ASTL: variants seen among roughly 807,000 people sequenced by gnomAD.
The protein encoded by ASTL is astacin-like metalloendopeptidase.
In ASTL, 27 loss-of-function variants were observed where a neutral mutation model predicts 36.7. That is an observed-to-expected ratio of 0.73 (90% CI 0.54 to 1.01). ASTL has a LOEUF of 1.01. Among genes scored for constraint, ASTL ranks in the 50% least tolerant of loss-of-function variants. The probability of loss-of-function intolerance (pLI) is 0.00; values close to 1 mark genes in which losing one functional copy is unlikely to be tolerated. For synonymous variants in ASTL, 222 were observed against 228.1 expected (o/e 0.97, Z 0.24); for missense variants, 524 against 572.8 (o/e 0.91, Z 0.87).
In ASTL at chr2:96,132,747, G is replaced by A; in HGVS notation, c.456-26C>T. On this transcript the variant is annotated intron_variant, in intron 5 of 8. Coordinates refer to ENST00000342380, the MANE Select transcript of ASTL (RefSeq NM_001002036.4). This position sits in a 1 kb window ranked among gnomAD's most constrained non-coding sequence, Gnocchi z 5.4. Reference sequence around the variant, plus strand: ...CTGCAGGGTGATGAGAGCAAGTGGGGTAAGTGCCAGCCCAGATCCCTCCGG... The same window carrying A: ...CTGCAGGGTGATGAGAGCAAGTGGGATAAGTGCCAGCCCAGATCCCTCCGG... 1.3e-6 allele frequency: 2 copies of A among 1,591,766 alleles called. No homozygotes were observed. Among genetic ancestry groups the A allele is most frequent in the Non-Finnish European group, 1.7e-6 (2 of 1,163,464 alleles).
At chr2:96,130,572 G>T (rs942044041) in intron 6 of ASTL, among the ~76,000 whole-genome samples, 1 of 152,182 alleles carries the variant, frequency 6.6e-6, no homozygotes, top group Non-Finnish European at 1.5e-5. Flanking sequence ...CAGTGGTGAT[G>T]CCCTAGTCCC....
At chr2:96,134,661 C>G (rs1206676270) in intron 3 of ASTL, among the ~76,000 whole-genome samples, 1 of 152,202 alleles carries the variant, frequency 6.6e-6, no homozygotes, top group Non-Finnish European at 1.5e-5. Flanking sequence ...GAGGGTCTGC[C>G]CTGCCCCCGG....
At position 96,123,036 on chromosome 2, in the gene ASTL, A is replaced by G. The variant is rs1294612705; in HGVS notation, c.*814T>C. 1.3e-5 allele frequency among the ~76,000 whole-genome samples: 2 copies of G among 152,200 alleles called. No homozygotes were observed. Among genetic ancestry groups the G allele is most frequent in the Non-Finnish European group, 2.9e-5 (2 of 68,028 alleles). On this transcript the variant is annotated 3_prime_UTR_variant, in exon 9 of 9. Transcript: ENST00000342380. ...AAAGCCGGAGCTGGGGCAGAGGAGTAGGGCCTGCCTGGAGGAGGCCAGGCT... is the reference window on the plus strand; with the variant it reads ...AAAGCCGGAGCTGGGGCAGAGGAGTGGGGCCTGCCTGGAGGAGGCCAGGCT...
chr2:96,123,793 G>A lies in ASTL; in HGVS notation c.*57C>T, dbSNP rs1682005150. ...GGCCCAAAGGAGCCAAGAGGTAGAC[G>A]ACCCAGCTCCACTGGGCAGAGGATG... is the stretch of plus-strand genomic sequence containing the variant. On this transcript the variant is annotated 3_prime_UTR_variant, in exon 9 of 9. Transcript: ENST00000342380. The A allele has an allele frequency of 2.4e-5, 35 of 1,470,866 alleles. No homozygotes were observed. The highest frequency in any genetic ancestry group is 2.8e-5 in the Non-Finnish European group (30 of 1,070,390). 91.1% of individuals were successfully genotyped at this position (1,470,866 alleles called of 1,614,324 possible). A position where few individuals can be genotyped will look rare whatever the true frequency, so the allele number is the denominator to read the frequency against.
Position 96,123,939 on chromosome 2 carries a change from C to T in ASTL, c.1207G>A (p.Gly403Arg), listed in dbSNP as rs747687030. The T allele has an allele frequency of 1.2e-5, 19 of 1,613,916 alleles. No individual in the cohort carries two copies. The highest frequency in any genetic ancestry group is 8.3e-5 in the Admixed American group (5 of 60,008). The part of the protein sequence containing the change: ...TKPTVPSSEA[G>R]IQPVPVQGSP... ...CCCTGGACAGGGACTGGCTGGATTC[C>T]TGCTTCTGAAGATGGGACTGTGGGC... The change falls in exon 9 of 9, where the codon GGA becomes AGA. Residue 403 changes from glycine (G) to arginine (R), a missense_variant. Coordinates refer to ENST00000342380, the MANE Select transcript of ASTL (RefSeq NM_001002036.4).
rs963591481 is a variant in ASTL at position 96,124,849 on chromosome 2, G to T, written c.875-578C>A. The stretch of plus-strand genomic sequence containing the variant: ...TGCCTCCCATCCCAGTTCCTCCTGC[G>T]CATGCAGCGAGGGCTTCACCAGGAG... On this transcript the variant is annotated intron_variant, in intron 8 of 8. Coordinates refer to ENST00000342380, the MANE Select transcript of ASTL (RefSeq NM_001002036.4). The surrounding 1 kb of genome is among the most constrained non-coding windows in gnomAD (Gnocchi z 4.1). Among the ~76,000 whole-genome samples, 4 of 152,050 alleles carry T rather than the reference G, an allele frequency of 2.6e-5. No individual in the cohort carries two copies. The South Asian group carries it at 8.3e-4, about 32-fold the overall frequency.
rs72825845 is a variant in ASTL, at chr2:96,138,368, G to A, written c.55+14C>T. 55,297 of 1,603,122 alleles carry A rather than the reference G, an allele frequency of 0.034. 1,129 individuals carry two copies. The highest frequency in any genetic ancestry group is 0.037 in the Non-Finnish European group (43,735 of 1,174,034). On this transcript the variant is annotated intron_variant, in intron 1 of 8. Transcript: ENST00000342380. ...GCTGGAGCCAGCAGCAGGAGGGACA[G>A]GCAGCCAGCTTACCTGGCAAGGAGA...
rs767473147 is a variant in ASTL at position 96,123,845 on chromosome 2, C to G, written c.*5G>C. 3 of 1,610,148 alleles carry G rather than the reference C, an allele frequency of 1.9e-6. No homozygotes were observed. The Admixed American group carries it at 5.0e-5, about 27-fold the overall frequency. The stretch of plus-strand genomic sequence containing the variant: ...CCTCCCTACTTGGGGACAGAAGCCA[C>G]AGGCTTAATCTTCGGACATCCCCTT... On this transcript the variant is annotated 3_prime_UTR_variant, in exon 9 of 9. Coordinates refer to ENST00000342380, the MANE Select transcript of ASTL (RefSeq NM_001002036.4).
At position 96,124,059 on chromosome 2, in the gene ASTL, G is replaced by C. The variant is rs1464862499; in HGVS notation, c.1087C>G (p.Pro363Ala). ...KLSAEASARQ[P>A]QTLASSPRSR... ...CTTGGGGAGGAAGCTAGGGTCTGAG[G>C]CTGCCTTGCCGAGGCCTCTGCACTG... Residue 363 changes from proline (P) to alanine (A), a missense_variant, in exon 9 of 9, where the codon CCT (proline) becomes GCT (alanine). Pro to Ala is a conservative substitution (Grantham distance 27). Transcript: ENST00000342380. The surrounding 1 kb of genome is among the most constrained non-coding windows in gnomAD (Gnocchi z 4.1). 3 of 1,613,806 alleles carry C rather than the reference G, an allele frequency of 1.9e-6. No individual in the cohort carries two copies. The highest frequency in any genetic ancestry group is 1.7e-6 in the Non-Finnish European group (2 of 1,179,912).
At position 96,132,613 on chromosome 2, in the gene ASTL, C is replaced by A. The variant is rs766071395; in HGVS notation, c.564G>T (p.Leu188=). 6.0e-5 allele frequency: 96 copies of A among 1,613,220 alleles called. No homozygotes were observed. Among genetic ancestry groups the A allele is most frequent in the Non-Finnish European group, 7.3e-5 (86 of 1,179,538 alleles). ...CCCGCGTGTGCTCGTGCCAGAAGCC[C>A]AGCACATGCATGAGCTCATGAAGGA... ...GIVLHELMHV[L]GFWHEHTRAD... Residue 188 remains leucine (L), a synonymous_variant, in exon 6 of 9, where the codon CTG becomes CTT. Transcript: ENST00000342380. This position sits in a 1 kb window ranked among gnomAD's most constrained non-coding sequence, Gnocchi z 5.4.
At chr2:96,130,753 C>T (rs1478406974) in intron 6 of ASTL, among the ~76,000 whole-genome samples, 1 of 152,222 alleles carries the variant, frequency 6.6e-6, no homozygotes, top group East Asian at 1.9e-4. Context: ...ACAGCAGCTT[C>T]CTCTCCATGG....
chr2:96,125,192 C>T (rs1055198278), intron 8 of ASTL, among the ~76,000 whole-genome samples: 2 of 152,312 alleles, frequency 1.3e-5, no homozygotes, highest in Admixed American at 1.3e-4. Flanking sequence ...GTAGCCTCAA[C>T]CACCTTTCCC....
rs12621619 is a variant in ASTL at position 96,134,765 on chromosome 2, C to T, written c.243+586G>A. 1.2e-3 allele frequency among the ~76,000 whole-genome samples: 176 copies of T among 152,362 alleles called. 4 individuals carry two copies. In the East Asian group the frequency reaches 0.029, roughly 25 times the overall value. ...GCCTCCAACAGGACAGTCTTGCCTT[C>T]CCCTGGGTCACTGTCCTATTCAGGA... On this transcript the variant is annotated intron_variant, in intron 3 of 8. Transcript: ENST00000342380.
intron 8 of ASTL, among the ~76,000 whole-genome samples, chr2:96,128,370 C>T (rs910488987): frequency 6.6e-6 from 1 of 152,140 alleles, no homozygotes. Flanking sequence ...TTTAAGTGAT[C>T]CTTCCCTATC....
At chr2:96,137,296 G>T (rs760022383) in intron 2 of ASTL, among the ~76,000 whole-genome samples, 1 of 152,232 alleles carries the variant, frequency 6.6e-6, no homozygotes, top group Non-Finnish European at 1.5e-5. Flanking sequence ...GATACAAAAA[G>T]AAAGAGTAGA....
intron 5 of ASTL, 83 bp downstream of exon 5, chr2:96,133,342 A>G: frequency 1.0e-6 from 1 of 997,696 alleles, no homozygotes; most frequent in Non-Finnish European, 1.6e-6. Context: ...TGGGCCCAGG[A>G]ATACATTTTA....
At chr2:96,126,086 A>T (rs573637732) in intron 8 of ASTL, among the ~76,000 whole-genome samples, 1 of 152,364 alleles carries the variant, frequency 6.6e-6, no homozygotes, top group Non-Finnish European at 1.5e-5. Context: ...TAAGACTTAC[A>T]TGGAAACAGG....
intron 1 of ASTL, 34 bp from the exon 2 acceptor site, chr2:96,137,734 C>A: frequency 6.3e-7 from 1 of 1,590,886 alleles, no homozygotes; most frequent in South Asian, 1.1e-5. Context: ...ACACAGATGC[C>A]TGGAGCACCC....
At chr2:96,129,755 C>A (rs1215407179) in intron 8 of ASTL, 69 bp downstream of exon 8, 1 of 1,427,240 alleles carries the variant, frequency 7.0e-7, no homozygotes, top group East Asian at 2.4e-5. Context: ...TCCTTGTCAC[C>A]CTCCCTGACA....
Sources: allele counts gnomAD v4.1 joint callset (sites outside exome capture counted in the v4.1 genomes callset), GRCh38; gene constraint gnomAD v4.1.1; non-coding constraint Gnocchi (gnomAD v3.1); transcripts MANE v1.5; gene names NCBI Gene and HGNC (gene_info 2026-07-23, HGNC 2026-07-21).